Variants in RGL1 observed in about 807,000 individuals in gnomAD.
The protein encoded by RGL1 is ral guanine nucleotide dissociation stimulator like 1, also known as ral guanine nucleotide dissociation stimulator-like 1.
RGL1 carries 24 observed loss-of-function variants against 95.2 expected under a neutral mutation model. That is an observed-to-expected ratio of 0.25 (90% CI 0.18 to 0.35). RGL1 has a LOEUF of 0.35. RGL1 is among the 10% of genes least tolerant of loss of function. RGL1 has a pLI of 1.00. For missense variants in RGL1, 715 were observed against 936.3 expected, an observed-to-expected ratio of 0.76 and a Z score of 3.08; for synonymous variants, 329 against 344.9, an observed-to-expected ratio of 0.95 and a Z score of 0.51.
chr1:183,922,004 C>T (rs1267655265), intron 16 of RGL1, among the ~76,000 whole-genome samples: 1 of 152,190 alleles, frequency 6.6e-6, no homozygotes. Flanking sequence ...GACGCTGTGA[C>T]TCAGAGATTA....
At chr1:183,646,177 A>G (rs574198857) in intron 1 of RGL1, among the ~76,000 whole-genome samples, 39 of 152,246 alleles carry the variant, frequency 2.6e-4, no homozygotes, top group Non-Finnish European at 4.4e-4. Context: ...AAATAAAAAT[A>G]AACCTCAACA....
intron 1 of RGL1, among the ~76,000 whole-genome samples, chr1:183,643,526 C>T (rs558075220): frequency 7.0e-4 from 107 of 152,164 alleles, no homozygotes; most frequent in Non-Finnish European, 9.6e-4. Context: ...CTCCTGACCT[C>T]GTGATCCGCC....
chr1:183,767,742 C>G (rs1053873546), intron 2 of RGL1, among the ~76,000 whole-genome samples: 7 of 152,116 alleles, frequency 4.6e-5, no homozygotes, highest in African/African-American at 1.7e-4. Context: ...CACCTGAGGT[C>G]AGAAGTTGGA....
At chr1:183,701,048 T>G (rs1162060081) in intron 1 of RGL1, among the ~76,000 whole-genome samples, 1 of 152,194 alleles carries the variant, frequency 6.6e-6, no homozygotes, top group Non-Finnish European at 1.5e-5. Flanking sequence ...GAATGATGGC[T>G]TCCAGCTTCA....
At chr1:183,678,234 G>A (rs150110506) in intron 1 of RGL1, among the ~76,000 whole-genome samples, 2 of 152,210 alleles carry the variant, frequency 1.3e-5, no homozygotes, top group Admixed American at 6.5e-5. Context: ...GAAACAGTTG[G>A]CTTTCTGTGG....
At chr1:183,905,116 G>C in intron 13 of RGL1, 145 bp downstream of exon 13, 1 of 976,038 alleles carries the variant, frequency 1.0e-6, no homozygotes, top group Non-Finnish European at 1.5e-6. Context: ...AAGGCGCATG[G>C]TGTGGCAGGA....
chr1:183,857,853 G>T (rs769380436), intron 3 of RGL1, among the ~76,000 whole-genome samples: 3 of 152,180 alleles, frequency 2.0e-5, no homozygotes, highest in African/African-American at 2.4e-5. Flanking sequence ...AACATGTGGC[G>T]ACTGTAGAGC....
intron 1 of RGL1, among the ~76,000 whole-genome samples, chr1:183,673,839 C>T (rs1170405350): frequency 6.6e-6 from 1 of 152,124 alleles, no homozygotes; most frequent in Non-Finnish European, 1.5e-5. Flanking sequence ...TGTCTTTAGA[C>T]ATGGTGCATT....
chr1:183,716,686 T>A (rs1265190907), intron 1 of RGL1, among the ~76,000 whole-genome samples: 2 of 152,234 alleles, frequency 1.3e-5, no homozygotes, highest in Non-Finnish European at 2.9e-5. Flanking sequence ...CACTGTACCC[T>A]GTATAAAGAA....
chr1:183,771,198 C>T lies in RGL1; in HGVS notation c.132+28909C>T, dbSNP rs115575927. On this transcript the variant is annotated intron_variant, in intron 2 of 18. Coordinates refer to the RGL1 transcript ENST00000304685. ...CAATTTAGCCCTCTCTGTTTGGCTC[C>T]GAGGCCTAGAATGAGTCCTGCTTTC... 4.9e-3 allele frequency among the ~76,000 whole-genome samples: 740 copies of T among 152,036 alleles called. 9 individuals are homozygous for T. The highest frequency in any genetic ancestry group is 0.016 in the African/African-American group (665 of 41,474).
chr1:183,788,534 C>G (rs1019718894), intron 2 of RGL1, among the ~76,000 whole-genome samples: 1 of 152,202 alleles, frequency 6.6e-6, no homozygotes, highest in Non-Finnish European at 1.5e-5. Context: ...GTCAAGTTGA[C>G]ACATAAAATT....
At chr1:183,721,964 T>G (rs2102206506) in intron 1 of RGL1, among the ~76,000 whole-genome samples, 1 of 152,354 alleles carries the variant, frequency 6.6e-6, no homozygotes, top group Non-Finnish European at 1.5e-5. Context: ...CATTCACCAT[T>G]GTGATTCAGC....
At chr1:183,782,169 C>T (rs1226376461) in intron 2 of RGL1, among the ~76,000 whole-genome samples, 2 of 152,128 alleles carry the variant, frequency 1.3e-5, no homozygotes, top group Non-Finnish European at 2.9e-5. Context: ...GCACTCTGTC[C>T]CCAGATACCT....
chr1:183,833,071 A>T (rs1663372430), intron 2 of RGL1, among the ~76,000 whole-genome samples: 1 of 152,196 alleles, frequency 6.6e-6, no homozygotes, highest in Non-Finnish European at 1.5e-5. Flanking sequence ...AAGCAAGATC[A>T]CATGGTTTGC....
intron 2 of RGL1, among the ~76,000 whole-genome samples, chr1:183,822,929 G>A (rs1396260372): frequency 6.6e-6 from 1 of 152,104 alleles, no homozygotes; most frequent in South Asian, 2.1e-4. Context: ...TGTTGCCAGG[G>A]TCTAAAATGT....
At chr1:183,683,318 A>G (rs933003367) in intron 1 of RGL1, among the ~76,000 whole-genome samples, 7 of 151,750 alleles carry the variant, frequency 4.6e-5, no homozygotes, top group African/African-American at 1.4e-4. Context: ...CAGTTTTTCC[A>G]TATTTAGTGC....
At chr1:183,639,657 G>A (rs1649782198) in intron 1 of RGL1, among the ~76,000 whole-genome samples, 1 of 151,198 alleles carries the variant, frequency 6.6e-6, no homozygotes, top group African/African-American at 2.4e-5. Flanking sequence ...GAATAGATAG[G>A]GTGAACTCTC....
intron 11 of RGL1, 24 bp downstream of exon 11, chr1:183,900,260 A>C (rs1199011432): frequency 6.3e-7 from 1 of 1,591,714 alleles, no homozygotes; most frequent in Non-Finnish European, 8.6e-7. Flanking sequence ...GGGTGGTGTG[A>C]TCGGGCCTGC....
chr1:183,797,774 C>A (rs1402592957), intron 2 of RGL1, among the ~76,000 whole-genome samples: 1 of 152,116 alleles, frequency 6.6e-6, no homozygotes, highest in African/African-American at 2.4e-5. Context: ...CTAGGAACAA[C>A]CATAGCAGAA....
Sources: gnomAD v4.1 joint callset for allele counts (sites outside exome capture counted in the v4.1 genomes callset) on GRCh38, gnomAD v4.1.1 for gene constraint, MANE v1.5 for transcripts, NCBI Gene and HGNC (gene_info 2026-07-23, HGNC 2026-07-21) for gene names.